MAD1L1: variants seen among roughly 807,000 people sequenced by gnomAD.
MAD1L1 encodes mitotic spindle assembly checkpoint protein MAD1.
A neutral mutation model predicts 96.9 loss-of-function variants in MAD1L1; 95 were observed. That is an observed-to-expected ratio of 0.98 (90% CI 0.83 to 1.16). MAD1L1 has a LOEUF of 1.16. MAD1L1 is among the 50% of genes most tolerant of loss of function. The probability of loss-of-function intolerance (pLI) is 0.00; values close to 1 mark genes in which losing one functional copy is unlikely to be tolerated. For missense variants in MAD1L1, 1,007 were observed against 954.4 expected, an observed-to-expected ratio of 1.06 and a Z score of -0.73; for synonymous variants, 473 against 396.6, an observed-to-expected ratio of 1.19 and a Z score of -2.29.
At chr7:1,917,105 C>T (rs1258897930) in intron 17 of MAD1L1, among the ~76,000 whole-genome samples, 1 of 152,190 alleles carries the variant, frequency 6.6e-6, no homozygotes, top group African/African-American at 2.4e-5. Flanking sequence ...CCTCCCTGGA[C>T]CAGGCACCCA....
intron 16 of MAD1L1, among the ~76,000 whole-genome samples, chr7:1,952,580 G>GAGA (rs33969330): frequency 1.8e-4 from 1 of 5,582 alleles, no homozygotes; most frequent in Non-Finnish European, 5.4e-3. Flanking sequence ...GCCTGGCACA[G>GAGA]AGGTGCGTGA....
chr7:2,115,515 A>G (rs1746780972), intron 11 of MAD1L1, among the ~76,000 whole-genome samples: 1 of 143,696 alleles, frequency 7.0e-6, no homozygotes, highest in Non-Finnish European at 1.5e-5. Context: ...GAGGCGCTGG[A>G]CAGGGTCCCC....
intron 18 of MAD1L1, among the ~76,000 whole-genome samples, chr7:1,862,753 A>G (rs953457188): frequency 1.6e-4 from 25 of 152,234 alleles, no homozygotes; most frequent in Admixed American, 5.9e-4. Flanking sequence ...GAAGCTTTAC[A>G]TCACTGCTGT....
intron 18 of MAD1L1, among the ~76,000 whole-genome samples, chr7:1,860,070 C>T (rs1235361095): frequency 1.4e-5 from 2 of 142,596 alleles, no homozygotes; most frequent in East Asian, 2.2e-4. Context: ...TCTGGCGGGG[C>T]GGCCTCTGTG....
At chr7:2,029,819 G>A (rs920662878) in intron 12 of MAD1L1, among the ~76,000 whole-genome samples, 2 of 152,128 alleles carry the variant, frequency 1.3e-5, no homozygotes, top group Admixed American at 1.3e-4. Context: ...AAGTTTCTAG[G>A]CAAGAGAGTG....
At chr7:1,984,476 A>T (rs1274553520) in intron 14 of MAD1L1, among the ~76,000 whole-genome samples, 1 of 152,254 alleles carries the variant, frequency 6.6e-6, no homozygotes, top group African/African-American at 2.4e-5. Context: ...GCTATATCGC[A>T]GATTAGGACA....
At chr7:1,884,603 G>A (rs774779257) in intron 18 of MAD1L1, among the ~76,000 whole-genome samples, 4 of 152,244 alleles carry the variant, frequency 2.6e-5, no homozygotes, top group Non-Finnish European at 5.9e-5. Context: ...GTTCCAAAAT[G>A]TCACCAGGTC....
intron 12 of MAD1L1, among the ~76,000 whole-genome samples, chr7:2,040,626 G>T (rs189613005): frequency 4.5e-4 from 69 of 152,250 alleles, no homozygotes; most frequent in African/African-American, 1.6e-3. Context: ...TATTTACCTA[G>T]TCCTTTGCTG....
intron 18 of MAD1L1, among the ~76,000 whole-genome samples, chr7:1,887,380 C>T (rs59963775): frequency 0.02 from 3,042 of 148,752 alleles, 98 homozygotes; most frequent in African/African-American, 0.071. Context: ...GCTGTGCATG[C>T]GTGTACATGC....
rs578255749 is a variant in MAD1L1 at position 2,217,309 on chromosome 7, C to T, written c.678+653G>A. Among the ~76,000 whole-genome samples the T allele has an allele frequency of 1.6e-4, 24 of 152,324 alleles. 1 individual carries two copies. In the South Asian group the frequency reaches 4.8e-3, roughly 30 times the overall value. ...TCATTCAACAAACACTAACAGAGTC[C>T]ATCGCCCTGCCAGCCAGAAAATCCT... On this transcript the variant is annotated intron_variant, in intron 7 of 18. Transcript: ENST00000265854.
intron 18 of MAD1L1, among the ~76,000 whole-genome samples, chr7:1,888,305 T>C (rs1034572776): frequency 1.1e-4 from 15 of 138,812 alleles, no homozygotes; most frequent in African/African-American, 3.5e-4. Context: ...TGCGTCTATG[T>C]GACTGCCTAT....
chr7:2,059,005 G>A (rs1784510256), intron 12 of MAD1L1, among the ~76,000 whole-genome samples: 1 of 128,480 alleles, frequency 7.8e-6, no homozygotes, highest in Non-Finnish European at 1.7e-5. Context: ...TGGAGAGGGA[G>A]TGTGGCCAGA....
At chr7:1,992,716 C>T (rs139952561) in intron 14 of MAD1L1, among the ~76,000 whole-genome samples, 1,972 of 152,312 alleles carry the variant, frequency 0.013, 34 homozygotes, top group African/African-American at 0.045. Context: ...GGGCTGCTGG[C>T]TGAATCACAG....
Position 1,936,729 on chromosome 7 carries a change from C to T in MAD1L1, c.1765G>A (p.Glu589Lys), listed in dbSNP as rs1272049345. 6.4e-7 allele frequency: 1 copy of T among 1,563,226 alleles called. No homozygotes were observed. The highest frequency in any genetic ancestry group is 8.7e-7 in the Non-Finnish European group (1 of 1,154,954). The change falls in exon 17 of 19, where the codon GAG (glutamate) becomes AAG (lysine). Residue 589 changes from glutamate to lysine, a missense_variant. Physicochemically the swap from Glu to Lys is moderately conservative, Grantham distance 56 (BLOSUM62 1). Transcript: ENST00000265854. Reference protein sequence around the residue: ...ERGGTVPADLEAAAASLPSSK... With the variant: ...ERGGTVPADLKAAAASLPSSK... ...GATGGCAGACTCGCGGCGGCAGCCT[C>T]AAGGTCGGCTGGGACGGTGCCTCCT...
At chr7:2,133,599 T>G (rs780374280) in intron 11 of MAD1L1, among the ~76,000 whole-genome samples, 17 of 152,236 alleles carry the variant, frequency 1.1e-4, no homozygotes, top group Non-Finnish European at 2.1e-4. Context: ...GCCTTTGGTG[T>G]TGTACGTTAA....
At chr7:2,060,958 C>T (rs1283429363) in intron 12 of MAD1L1, among the ~76,000 whole-genome samples, 4 of 152,160 alleles carry the variant, frequency 2.6e-5, no homozygotes, top group African/African-American at 4.8e-5. Flanking sequence ...CCACAGGCTA[C>T]GAGAAGATAA....
intron 9 of MAD1L1, among the ~76,000 whole-genome samples, chr7:2,214,169 C>T (rs912650851): frequency 3.9e-5 from 6 of 152,210 alleles, no homozygotes; most frequent in Non-Finnish European, 5.9e-5. Flanking sequence ...CCTGTGCAGA[C>T]GGGGAGACAG....
intron 17 of MAD1L1, among the ~76,000 whole-genome samples, chr7:1,914,410 C>A (rs1788239107): frequency 6.6e-6 from 1 of 152,204 alleles, no homozygotes; most frequent in Non-Finnish European, 1.5e-5. Flanking sequence ...GCAGGAAAGT[C>A]GGCTAGAGAT....
At chr7:2,128,945 G>T (rs1239620521) in intron 11 of MAD1L1, among the ~76,000 whole-genome samples, 1 of 152,264 alleles carries the variant, frequency 6.6e-6, no homozygotes, top group Non-Finnish European at 1.5e-5. Flanking sequence ...AAAGCCAGAG[G>T]GGGACACAGA....
Sources: gnomAD v4.1 joint callset for allele counts (sites outside exome capture counted in the v4.1 genomes callset) on GRCh38, gnomAD v4.1.1 for gene constraint, MANE v1.5 for transcripts, NCBI Gene and HGNC (gene_info 2026-07-23, HGNC 2026-07-21) for gene names.